The following LAPTM4B variants were observed in gnomAD, a reference collection of about 807,000 sequenced individuals.
LAPTM4B encodes the protein lysosomal protein transmembrane 4 beta, also known as lysosomal-associated transmembrane protein 4B.
LAPTM4B carries 26 observed loss-of-function variants against 28.5 expected under a neutral mutation model. That is an observed-to-expected ratio of 0.91 (90% confidence interval 0.67 to 1.27). The LOEUF (loss-of-function observed/expected upper bound fraction) is 1.27, where lower values mean the gene tolerates loss of function less well. Among genes scored for constraint, LAPTM4B ranks in the 50% most tolerant of loss-of-function variants. The pLI is 0.00. For missense variants in LAPTM4B, 288 were observed against 285.8 expected (o/e 1.01, Z -0.06); for synonymous variants, 109 against 106.4 (o/e 1.02, Z -0.15).
At chr8:97,851,051 T>C (rs7839541) in intron 6 of LAPTM4B, among the ~76,000 whole-genome samples, 9,126 of 149,442 alleles carry the variant, frequency 0.061, 1,104 homozygotes, top group African/African-American at 0.22. Flanking sequence ...GTGGTTACTG[T>C]AGTCAATCAA....
Position 97,845,855 on chromosome 8 carries a change from T to TTC in LAPTM4B, c.604-5542_604-5541insTC, listed in dbSNP as rs772091149. ...TTTCTCTTTTCCTTCCTTTTCCTTT[T>TTC]CCCCCCCCTTCCACTCCCCTCCCCT... On this transcript the variant is annotated intron_variant, in intron 6 of 6. Coordinates refer to ENST00000521545, the MANE Select transcript of LAPTM4B (RefSeq NM_018407.6). Among the ~76,000 whole-genome samples, 3 of 17,322 alleles carry TTC rather than the reference T, an allele frequency of 1.7e-4. 1 individual carries two copies. The highest frequency in any genetic ancestry group is 4.1e-4 in the Non-Finnish European group (3 of 7,310). 11.4% of individuals were successfully genotyped at this position (17,322 alleles called of 152,430 possible).
At chr8:97,802,296 G>A (rs908001410) in intron 1 of LAPTM4B, among the ~76,000 whole-genome samples, 5 of 152,162 alleles carry the variant, frequency 3.3e-5, no homozygotes, top group African/African-American at 1.2e-4. Context: ...TAAACAAGGG[G>A]TGGATTATTC....
chr8:97,778,820 T>TCTCTGG (rs553710295), intron 1 of LAPTM4B, among the ~76,000 whole-genome samples: 169 of 152,246 alleles, frequency 1.1e-3, no homozygotes, highest in African/African-American at 3.8e-3. Flanking sequence ...GCACTAGCCG[T>TCTCTGG]CTCTGGGTCG....
chr8:97,827,560 C>T (rs1817109005), intron 6 of LAPTM4B, among the ~76,000 whole-genome samples: 1 of 152,204 alleles, frequency 6.6e-6, no homozygotes, highest in South Asian at 2.1e-4. Flanking sequence ...GCTGGTTGGT[C>T]AGAAGCTCCT....
At position 97,821,617 on chromosome 8, in the gene LAPTM4B, A is replaced by T. The variant is rs973482602; in HGVS notation, c.507+2379A>T. On this transcript the variant is annotated intron_variant, in intron 5 of 6. Coordinates refer to ENST00000521545, the MANE Select transcript of LAPTM4B (RefSeq NM_018407.6). ...AAGCGTAGCTGTGACGGTTTTGCAT[A>T]TGCTCTGCTACTTGAGATAAGGGAG... is the stretch of plus-strand genomic sequence containing the variant. Among the ~76,000 whole-genome samples the T allele has an allele frequency of 5.3e-5, 8 of 151,876 alleles. No individual in the cohort carries two copies. The East Asian group carries it at 1.5e-3, about 29-fold the overall frequency.
chr8:97,814,787 A>T (rs1172585495), intron 2 of LAPTM4B, among the ~76,000 whole-genome samples: 1 of 152,062 alleles, frequency 6.6e-6, no homozygotes. Context: ...TCTGTCTCCC[A>T]GGTTCATGCC....
At chr8:97,805,290 A>G (rs1816741756) in intron 1 of LAPTM4B, 63 bp from the exon 2 acceptor site, 13 of 941,252 alleles carry the variant, frequency 1.4e-5, no homozygotes, top group South Asian at 7.3e-5. Context: ...GTAATTTTCT[A>G]TTATAAGGAT....
At chr8:97,836,789 T>A (rs10504981) in intron 6 of LAPTM4B, among the ~76,000 whole-genome samples, 59,668 of 151,894 alleles carry the variant, frequency 0.39, 12,328 homozygotes, top group Non-Finnish European at 0.46. Flanking sequence ...TAGGCTCTTA[T>A]CCAGATTAAC....
chr8:97,793,928 C>T (rs967106555), intron 1 of LAPTM4B, among the ~76,000 whole-genome samples: 8 of 152,146 alleles, frequency 5.3e-5, no homozygotes, highest in African/African-American at 1.9e-4. Flanking sequence ...TCACCCCAGC[C>T]TGCCAAGTAG....
At position 97,825,156 on chromosome 8, in the gene LAPTM4B, A is replaced by T. The variant is rs555978422; in HGVS notation, c.603+3A>T. ...ATGTTACCAGCAATGACACTACGGT[A>T]GGTATGATGTCACTTATGGTAGAGA... On this transcript the variant is annotated splice_donor_region_variant and intron_variant, in intron 6 of 6. Coordinates refer to ENST00000521545, the MANE Select transcript of LAPTM4B (RefSeq NM_018407.6). 3.5e-6 allele frequency: 5 copies of T among 1,435,006 alleles called. No individual in the cohort carries two copies. The highest frequency in any genetic ancestry group is 9.8e-7 in the Non-Finnish European group (1 of 1,019,444). 88.9% of individuals were successfully genotyped at this position (1,435,006 alleles called of 1,614,324 possible).
intron 1 of LAPTM4B, among the ~76,000 whole-genome samples, chr8:97,797,261 A>G (rs1002561557): frequency 6.6e-6 from 1 of 151,712 alleles, no homozygotes; most frequent in Admixed American, 6.6e-5. Context: ...CAGCCTTCCG[A>G]GTAGCTGGGA....
chr8:97,821,161 C>A (rs1386650564), intron 5 of LAPTM4B, among the ~76,000 whole-genome samples: 6 of 126,790 alleles, frequency 4.7e-5, no homozygotes, highest in Admixed American at 7.8e-5. Flanking sequence ...CATGGTGAAA[C>A]CCTGTCTCTA....
chr8:97,802,361 T>C (rs1816696128), intron 1 of LAPTM4B, among the ~76,000 whole-genome samples: 1 of 152,174 alleles, frequency 6.6e-6, no homozygotes. Context: ...TTCCTCCCCA[T>C]TTCAGGCCAT....
intron 1 of LAPTM4B, among the ~76,000 whole-genome samples, chr8:97,792,026 A>C (rs1816505054): frequency 1.3e-5 from 2 of 152,154 alleles, no homozygotes; most frequent in Admixed American, 1.3e-4. Context: ...AACTTCCATA[A>C]TATATTAAAA....
intron 6 of LAPTM4B, among the ~76,000 whole-genome samples, chr8:97,847,570 A>G (rs767032648): frequency 2.6e-5 from 4 of 152,240 alleles, no homozygotes; most frequent in Non-Finnish European, 4.4e-5. Context: ...TCCCATGTTC[A>G]TTGATCTCCT....
chr8:97,802,844 A>G (rs894347997), intron 1 of LAPTM4B, among the ~76,000 whole-genome samples: 1 of 152,160 alleles, frequency 6.6e-6, no homozygotes, highest in African/African-American at 2.4e-5. Flanking sequence ...TCTTCTCATT[A>G]TTACAATTTT....
Position 97,852,940 on chromosome 8 carries a change from G to T in LAPTM4B, c.*1466G>T. 2.1e-6 allele frequency: 1 copy of T among 476,020 alleles called. No individual in the cohort carries two copies. The highest frequency in any genetic ancestry group is 3.7e-6 in the Non-Finnish European group (1 of 270,270). The allele number at this position is 476,020 out of a possible 1,614,324, so 29.5% of individuals were successfully genotyped here. On this transcript the variant is annotated 3_prime_UTR_variant, in exon 7 of 7. Transcript: ENST00000521545. ...TGGAGAATAAATTACCATTGGTGTG[G>T]GGGAAAAAAGCCAAACAGAAGTAGA...
rs111765992 is a variant in LAPTM4B, at chr8:97,792,016, A to T, written c.100-13337A>T. Among the ~76,000 whole-genome samples the T allele has an allele frequency of 2.8e-3, 424 of 152,194 alleles. 2 individuals carry two copies. The highest frequency in any genetic ancestry group is 9.8e-3 in the African/African-American group (406 of 41,528). Reference sequence around the variant, plus strand: ...AGACCTGGTTGAATTTGGGGGGAAAAACTTCCATAATATATTAAAAAATTA... The same window carrying T: ...AGACCTGGTTGAATTTGGGGGGAAATACTTCCATAATATATTAAAAAATTA... On this transcript the variant is annotated intron_variant, in intron 1 of 6. Transcript: ENST00000521545.
At chr8:97,844,428 A>C (rs955581043) in intron 6 of LAPTM4B, among the ~76,000 whole-genome samples, 2 of 152,102 alleles carry the variant, frequency 1.3e-5, no homozygotes, top group African/African-American at 4.8e-5. Context: ...CTCATTTCAC[A>C]AGCAAAGAAG....
Sources: gnomAD v4.1 joint callset for allele counts (sites outside exome capture counted in the v4.1 genomes callset) on GRCh38, gnomAD v4.1.1 for gene constraint, MANE v1.5 for transcripts, NCBI Gene and HGNC (gene_info 2026-07-23, HGNC 2026-07-21) for gene names.